XPO4: variants seen among roughly 807,000 people sequenced by gnomAD.
The protein encoded by XPO4 is exportin-4.
In XPO4, 39 loss-of-function variants were observed where a neutral mutation model predicts 143.0. The ratio of observed to expected loss-of-function variants is 0.27; its 90% CI spans 0.21 to 0.36. The LOEUF is 0.36. XPO4 is among the 10% of genes least tolerant of loss of function. The probability of loss-of-function intolerance (pLI) is 1.00; values close to 1 mark genes in which losing one functional copy is unlikely to be tolerated. For synonymous variants in XPO4, 439 were observed against 474.0 expected (o/e 0.93, Z 0.96); for missense variants, 907 against 1,348.0 (o/e 0.67, Z 5.12).
At chr13:20,784,534 T>C (rs993351593) in intron 22 of XPO4, among the ~76,000 whole-genome samples, 6 of 152,134 alleles carry the variant, frequency 3.9e-5, no homozygotes, top group African/African-American at 1.4e-4. Flanking sequence ...TTAGTAAATA[T>C]AGGAATATGG....
chr13:20,892,782 G>C (rs1208459034), intron 1 of XPO4, among the ~76,000 whole-genome samples: 1 of 151,998 alleles, frequency 6.6e-6, no homozygotes, highest in Non-Finnish European at 1.5e-5. Context: ...TACTCGGGAG[G>C]CTAAAGGGGG....
chr13:20,840,811 T>C (rs978781317), intron 6 of XPO4, among the ~76,000 whole-genome samples: 7 of 152,174 alleles, frequency 4.6e-5, no homozygotes, highest in African/African-American at 1.4e-4. Context: ...AGCCAACAAA[T>C]GGCACTATAT....
chr13:20,818,117 T>C (rs1316530936), intron 9 of XPO4, among the ~76,000 whole-genome samples: 3 of 152,170 alleles, frequency 2.0e-5, no homozygotes, highest in Non-Finnish European at 4.4e-5. Flanking sequence ...TACTTTTTCA[T>C]CTCCACATTC....
At chr13:20,876,623 A>G (rs1232005801) in intron 1 of XPO4, among the ~76,000 whole-genome samples, 1 of 152,208 alleles carries the variant, frequency 6.6e-6, no homozygotes, top group African/African-American at 2.4e-5. Flanking sequence ...GTAGGGAAGA[A>G]TTTCTTAATA....
chr13:20,852,356 T>C (rs2060097659), intron 4 of XPO4: 1 of 985,450 alleles, frequency 1.0e-6, no homozygotes, highest in Non-Finnish European at 1.2e-6. Flanking sequence ...TATTTCCAAG[T>C]AGCAGCCTCA....
intron 9 of XPO4, among the ~76,000 whole-genome samples, chr13:20,811,044 T>TCA (rs1384334160): frequency 2.0e-5 from 3 of 152,048 alleles, no homozygotes; most frequent in Non-Finnish European, 2.9e-5. Flanking sequence ...GGCTAAAAGG[T>TCA]CACTCTAGTT....
Position 20,816,466 on chromosome 13 carries a change from T to C in XPO4, c.1173+5238A>G, listed in dbSNP as rs1400617761. 2.6e-5 allele frequency among the ~76,000 whole-genome samples: 4 copies of C among 152,338 alleles called. No individual in the cohort carries two copies. In the East Asian group the frequency reaches 5.8e-4, roughly 22 times the overall value. On this transcript the variant is annotated intron_variant, in intron 9 of 22. Coordinates refer to ENST00000255305, the MANE Select transcript of XPO4 (RefSeq NM_022459.5). ...TATTTTTTCTAGCTAGTTCTTAAAA[T>C]ACAGAATTAATTTAACTTCAGAATA...
At position 20,809,088 on chromosome 13, in the gene XPO4, C is replaced by G; in HGVS notation, c.1488G>C (p.Leu496=). 6 of 1,613,416 alleles carry G rather than the reference C, an allele frequency of 3.7e-6. No individual in the cohort carries two copies. The highest frequency in any genetic ancestry group is 5.1e-6 in the Non-Finnish European group (6 of 1,179,646). The change falls in exon 11 of 23, where the codon CTG becomes CTC. Residue 496 remains leucine (L), a synonymous_variant. Transcript: ENST00000255305. The part of the protein sequence containing the change: ...RIAAEHCIPL[L]TSLLEERVTR... ...TTTCTTTGGACTGTGTGTACCTTGTCAGAAGAGGTATACAGTGTTCTGCAG... is the reference window on the plus strand; with the variant it reads ...TTTCTTTGGACTGTGTGTACCTTGTGAGAAGAGGTATACAGTGTTCTGCAG...
rs755316764 is a variant in XPO4, at chr13:20,868,708, A to G, written c.70-7T>C. On this transcript the variant is annotated splice_polypyrimidine_tract_variant and splice_region_variant and intron_variant, in intron 1 of 22. Transcript: ENST00000255305. ...TGACCATGGAAGGTGGTGCCTTGAG[A>G]GTTAAAGACAAGAACAGATACACTT... The G allele has an allele frequency of 6.2e-7, 1 of 1,611,064 alleles. No individual in the cohort carries two copies. The highest frequency in any genetic ancestry group is 1.3e-5 in the African/African-American group (1 of 74,830).
At position 20,786,255 on chromosome 13, in the gene XPO4, C is replaced by T. The variant is rs141298948; in HGVS notation, c.3258+710G>A. ...CCCTTTTTTAAAGATGGAAATAAAA[C>T]GCCAAAGCTTCTTGGCCATGCTGGG... On this transcript the variant is annotated intron_variant, in intron 22 of 22. Transcript: ENST00000255305. Among the ~76,000 whole-genome samples the T allele has an allele frequency of 3.0e-3, 448 of 151,322 alleles. 1 individual carries two copies. Among genetic ancestry groups the T allele is most frequent in the African/African-American group, 0.011 (433 of 41,174 alleles).
At chr13:20,844,411 T>C (rs1290424283) in intron 4 of XPO4, among the ~76,000 whole-genome samples, 1 of 152,162 alleles carries the variant, frequency 6.6e-6, no homozygotes, top group Non-Finnish European at 1.5e-5. Flanking sequence ...AAAAGTTTTT[T>C]AAATAGAAAA....
chr13:20,821,892 A>G lies in XPO4; in HGVS notation c.999-14T>C, dbSNP rs1022313599. On this transcript the variant is annotated splice_polypyrimidine_tract_variant and intron_variant, in intron 8 of 22. Transcript: ENST00000255305. ...TCTATTTCAATTCTAAAACCAAGGAATGAGTATTATTAAGTGGCAGTAAAA... is the reference window on the plus strand; with the variant it reads ...TCTATTTCAATTCTAAAACCAAGGAGTGAGTATTATTAAGTGGCAGTAAAA... The G allele has an allele frequency of 1.3e-5, 21 of 1,608,774 alleles. No individual in the cohort carries two copies. Among genetic ancestry groups the G allele is most frequent in the Non-Finnish European group, 1.8e-5 (21 of 1,177,346 alleles).
intron 1 of XPO4, among the ~76,000 whole-genome samples, chr13:20,893,737 C>A (rs1252720237): frequency 2.7e-5 from 3 of 112,036 alleles, no homozygotes; most frequent in Admixed American, 8.3e-5. Context: ...CGCCACTGCA[C>A]TCCTGGCTGA....
chr13:20,848,852 C>T lies in XPO4; in HGVS notation c.457-4966G>A, dbSNP rs911267962. ...TATGTCAAACAAGTAGAAGACAATG[C>T]AATGAGGTGTCAAAGTTATAAAAAA... On this transcript the variant is annotated intron_variant, in intron 4 of 22. Transcript: ENST00000255305. The T allele has an allele frequency of 7.3e-5, 72 of 985,036 alleles. No individual in the cohort carries two copies. The African/African-American group carries it at 1.2e-3, about 17-fold the overall frequency. The allele number at this position is 985,036 out of a possible 1,614,324, so 61.0% of individuals were successfully genotyped here. A position where few individuals can be genotyped will look rare whatever the true frequency, so the allele number is the denominator to read the frequency against.
intron 1 of XPO4, among the ~76,000 whole-genome samples, chr13:20,881,007 T>G (rs1045490868): frequency 4.0e-5 from 6 of 149,378 alleles, no homozygotes; most frequent in Non-Finnish European, 7.4e-5. Flanking sequence ...ACAACAAGGA[T>G]GAACTTTGAA....
intron 6 of XPO4, among the ~76,000 whole-genome samples, chr13:20,833,562 TG>T (rs2059878406): frequency 6.6e-6 from 1 of 152,216 alleles, no homozygotes; most frequent in South Asian, 2.1e-4. Flanking sequence ...ATTGTTGTAT[TG>T]TTATTTTTTA....
Position 20,883,014 on chromosome 13 carries a change from T to C in XPO4, c.70-14313A>G, listed in dbSNP as rs548039557. 7.9e-5 allele frequency among the ~76,000 whole-genome samples: 12 copies of C among 152,178 alleles called. No individual in the cohort carries two copies. The South Asian group carries it at 2.3e-3, about 29-fold the overall frequency. On this transcript the variant is annotated intron_variant, in intron 1 of 22. Transcript: ENST00000255305. The stretch of plus-strand genomic sequence containing the variant: ...AGGCTTCCTCACTCTGTCCCAGTGC[T>C]TCCTTTTTCCCACCAAAAGCCACAG...
At chr13:20,857,465 C>T (rs755073866) in intron 3 of XPO4, among the ~76,000 whole-genome samples, 1 of 152,048 alleles carries the variant, frequency 6.6e-6, no homozygotes, top group African/African-American at 2.4e-5. Flanking sequence ...CAGTGGCTCA[C>T]GCCTGTAATC....
At chr13:20,813,453 T>C (rs887159714) in intron 9 of XPO4, among the ~76,000 whole-genome samples, 1 of 152,176 alleles carries the variant, frequency 6.6e-6, no homozygotes, top group Admixed American at 6.5e-5. Flanking sequence ...AGATGCTCAA[T>C]GTTACTGGTA....
Sources: allele counts gnomAD v4.1 joint callset (sites outside exome capture counted in the v4.1 genomes callset), GRCh38; gene constraint gnomAD v4.1.1; transcripts MANE v1.5; gene names NCBI Gene and HGNC (gene_info 2026-07-23, HGNC 2026-07-21).